The following CHRM3 variants were observed in gnomAD, a reference collection of about 807,000 sequenced individuals.
CHRM3 encodes the protein muscarinic acetylcholine receptor M3.
CHRM3 carries 11 observed loss-of-function variants against 41.8 expected under a neutral mutation model. The observed-to-expected ratio is 0.26, with a 90% confidence interval of 0.17 to 0.44. The LOEUF (loss-of-function observed/expected upper bound fraction) is 0.44, where lower values mean the gene tolerates loss of function less well. Among genes scored for constraint, CHRM3 ranks in the 20% least tolerant of loss-of-function variants. The pLI, the probability that CHRM3 is intolerant of heterozygous loss-of-function variation, is 1.00. For synonymous variants in CHRM3, 297 were observed against 301.4 expected, an observed-to-expected ratio of 0.99 and a Z score of 0.15; for missense variants, 571 against 745.4, an observed-to-expected ratio of 0.77 and a Z score of 2.72.
chr1:239,683,365 G>A (rs1031447307), intron 5 of CHRM3, among the ~76,000 whole-genome samples: 85 of 152,234 alleles, frequency 5.6e-4, no homozygotes, highest in African/African-American at 2.0e-3. Flanking sequence ...CAGATTAGAA[G>A]ACTATATCTG....
At chr1:239,602,127 T>TATATATACAC (rs59157745) in intron 3 of CHRM3, among the ~76,000 whole-genome samples, 5 of 132,642 alleles carry the variant, frequency 3.8e-5, no homozygotes, top group East Asian at 2.2e-4. Flanking sequence ...TATATATATA[T>TATATATACAC]ATATATATAT....
At chr1:239,411,863 C>T (rs555235500) in intron 1 of CHRM3, among the ~76,000 whole-genome samples, 4 of 151,182 alleles carry the variant, frequency 2.6e-5, no homozygotes, top group South Asian at 2.1e-4. Context: ...CCTCAGTGCA[C>T]GATCCCCAAT....
At chr1:239,891,726 G>C (rs1678567587) in intron 6 of CHRM3, among the ~76,000 whole-genome samples, 1 of 152,122 alleles carries the variant, frequency 6.6e-6, no homozygotes, top group East Asian at 1.9e-4. Flanking sequence ...ACTGTCAAAG[G>C]GTGAAGCAGA....
At chr1:239,717,301 A>T (rs1210667322) in intron 5 of CHRM3, among the ~76,000 whole-genome samples, 1 of 152,136 alleles carries the variant, frequency 6.6e-6, no homozygotes, top group African/African-American at 2.4e-5. Flanking sequence ...GTACCAGGAA[A>T]GCATAGAATA....
At chr1:239,729,073 G>A (rs967914214) in intron 5 of CHRM3, among the ~76,000 whole-genome samples, 4 of 151,910 alleles carry the variant, frequency 2.6e-5, no homozygotes, top group East Asian at 1.9e-4. Flanking sequence ...CATTGCTGGT[G>A]TAAAAGCAGT....
Position 239,462,411 on chromosome 1 carries a change from G to GA in CHRM3, c.-520-30289dup, listed in dbSNP as rs1032632394. ...GATTCTGAATCTTAATGCTCAAAAG[G>GA]AAAAAAAAATTTTTCATATTGTTGT... On this transcript the variant is annotated intron_variant, in intron 1 of 6. Transcript: ENST00000676153. 2.4e-4 allele frequency among the ~76,000 whole-genome samples: 36 copies of GA among 151,402 alleles called. No homozygotes were observed. The East Asian group carries it at 4.8e-3, about 20-fold the overall frequency.
chr1:239,568,087 A>G (rs74860925), intron 3 of CHRM3, among the ~76,000 whole-genome samples: 5,146 of 152,232 alleles, frequency 0.034, 107 homozygotes, highest in Middle Eastern at 0.058. Flanking sequence ...GCTGCAGAGC[A>G]ACCCCCACTC....
At chr1:239,729,761 T>C (rs922851648) in intron 5 of CHRM3, among the ~76,000 whole-genome samples, 7 of 150,826 alleles carry the variant, frequency 4.6e-5, no homozygotes, top group African/African-American at 1.7e-4. Flanking sequence ...AAATCATGCA[T>C]TGGTAAAAGA....
intron 2 of CHRM3, among the ~76,000 whole-genome samples, chr1:239,506,467 G>A (rs1463246708): frequency 1.3e-5 from 2 of 152,158 alleles, no homozygotes; most frequent in African/African-American, 2.4e-5. Flanking sequence ...TTGAGCCTGT[G>A]TGTGCATGGA....
chr1:239,670,852 G>A (rs1318240632), intron 4 of CHRM3, among the ~76,000 whole-genome samples: 2 of 151,878 alleles, frequency 1.3e-5, no homozygotes, highest in African/African-American at 4.8e-5. Flanking sequence ...TAGTTTCTGT[G>A]AACTTCATAT....
chr1:239,495,589 C>T (rs1667828110), intron 2 of CHRM3, among the ~76,000 whole-genome samples: 1 of 152,108 alleles, frequency 6.6e-6, no homozygotes, highest in Non-Finnish European at 1.5e-5. Context: ...ACAGGTAGTT[C>T]ACATTTGAGA....
chr1:239,776,079 T>C (rs1668061052), intron 5 of CHRM3, among the ~76,000 whole-genome samples: 1 of 152,246 alleles, frequency 6.6e-6, no homozygotes, highest in South Asian at 2.1e-4. Context: ...ATCTCTTTGC[T>C]TTCTTTGTGT....
chr1:239,390,315 T>C (rs994063666), intron 1 of CHRM3, among the ~76,000 whole-genome samples: 40 of 152,194 alleles, frequency 2.6e-4, no homozygotes, highest in Non-Finnish European at 8.8e-5. Context: ...GAAGCCCTGT[T>C]CTGAAAAATT....
intron 1 of CHRM3, among the ~76,000 whole-genome samples, chr1:239,426,209 A>C (rs1463759582): frequency 7.4e-6 from 1 of 135,936 alleles, no homozygotes; most frequent in Admixed American, 8.2e-5. Context: ...GCTGGAGAGG[A>C]TGTGGAGAAA....
intron 3 of CHRM3, among the ~76,000 whole-genome samples, chr1:239,556,003 A>G (rs1015890663): frequency 7.2e-5 from 11 of 152,228 alleles, no homozygotes; most frequent in African/African-American, 2.7e-4. Flanking sequence ...GAGGCAATAT[A>G]GTGATCTCTT....
At position 239,908,342 on chromosome 1, in the gene CHRM3, G is replaced by A; in HGVS notation, c.891G>A (p.Gln297=). ...SRSCSSYELQ[Q]QSMKRSNRRK... Reference sequence around the variant, plus strand: ...GCTGCAGCAGTTACGAACTTCAACAGCAAAGCATGAAACGCTCCAACAGGA... The same window carrying A: ...GCTGCAGCAGTTACGAACTTCAACAACAAAGCATGAAACGCTCCAACAGGA... The change falls in exon 7 of 7, where the codon CAG becomes CAA. Residue 297 remains glutamine, a synonymous_variant. Transcript: ENST00000676153. The surrounding 1 kb of genome is among the most constrained non-coding windows in gnomAD (Gnocchi z 7.2). The A allele has an allele frequency of 2.5e-6, 4 of 1,614,080 alleles. No individual in the cohort carries two copies. The highest frequency in any genetic ancestry group is 2.5e-6 in the Non-Finnish European group (3 of 1,180,032).
chr1:239,622,801 T>G, intron 3 of CHRM3, among the ~76,000 whole-genome samples: 1 of 152,188 alleles, frequency 6.6e-6, no homozygotes, highest in Non-Finnish European at 1.5e-5. Flanking sequence ...TGCAGCAGCC[T>G]TTGAGAGGAT....
intron 5 of CHRM3, among the ~76,000 whole-genome samples, chr1:239,824,095 G>C (rs1051295793): frequency 2.6e-5 from 4 of 152,150 alleles, no homozygotes; most frequent in Non-Finnish European, 5.9e-5. Context: ...GGTGCCCTCT[G>C]TCTCGTTGGT....
chr1:239,423,762 G>A (rs990178274), intron 1 of CHRM3, among the ~76,000 whole-genome samples: 1 of 151,888 alleles, frequency 6.6e-6, no homozygotes, highest in Non-Finnish European at 1.5e-5. Flanking sequence ...CTAAGAAATA[G>A]GAAAACATTA....
Sources: gnomAD v4.1 joint callset for allele counts (sites outside exome capture counted in the v4.1 genomes callset) on GRCh38, gnomAD v4.1.1 for gene constraint, Gnocchi (gnomAD v3.1) non-coding constraint, MANE v1.5 for transcripts, NCBI Gene and HGNC (gene_info 2026-07-23, HGNC 2026-07-21) for gene names.